GPHN: variants seen among roughly 807,000 people sequenced by gnomAD.
GPHN encodes the protein gephyrin.
Under a neutral mutation model 95.5 loss-of-function variants are expected in GPHN, and 17 were observed. The observed-to-expected ratio is 0.18, with a 90% CI of 0.12 to 0.27. The LOEUF (loss-of-function observed/expected upper bound fraction) is 0.27, where lower values mean the gene tolerates loss of function less well. Ranked by LOEUF, GPHN falls within the 10% of genes least tolerant of loss-of-function variation. GPHN has a pLI of 1.00. For missense variants in GPHN, 660 were observed against 978.1 expected (o/e 0.67, Z 4.34); for synonymous variants, 320 against 322.5 (o/e 0.99, Z 0.08).
At chr14:66,509,039 C>A (rs373963479) in intron 1 of GPHN, 47 of 233,230 alleles carry the variant, frequency 2.0e-4, no homozygotes, top group East Asian at 1.5e-3. Flanking sequence ...CCCTTCCCCC[C>A]ACCTGGGCGG....
chr14:66,646,538 A>G (rs2153359384), intron 1 of GPHN, among the ~76,000 whole-genome samples: 1 of 152,296 alleles, frequency 6.6e-6, no homozygotes, highest in Admixed American at 6.5e-5. Context: ...CAAAAGGTGG[A>G]AGGAATGAAT....
At chr14:67,129,063 C>T (rs977125541) in intron 17 of GPHN, among the ~76,000 whole-genome samples, 1 of 151,750 alleles carries the variant, frequency 6.6e-6, no homozygotes, top group Non-Finnish European at 1.5e-5. Flanking sequence ...TTCCACCTGC[C>T]TTGGCCTCCC....
intron 9 of GPHN, among the ~76,000 whole-genome samples, chr14:67,007,477 T>C (rs1222166622): frequency 6.6e-6 from 1 of 152,236 alleles, no homozygotes; most frequent in Non-Finnish European, 1.5e-5. Context: ...ATATCAAGTT[T>C]ATCTATAACT....
chr14:66,959,855 A>C (rs1386533853), intron 8 of GPHN, among the ~76,000 whole-genome samples: 1 of 151,942 alleles, frequency 6.6e-6, no homozygotes, highest in East Asian at 1.9e-4. Context: ...GACCACCATT[A>C]ATCATATCTC....
intron 1 of GPHN, among the ~76,000 whole-genome samples, chr14:66,575,219 T>C (rs995698923): frequency 6.6e-6 from 1 of 152,040 alleles, no homozygotes; most frequent in Non-Finnish European, 1.5e-5. Context: ...GTTGACAGAT[T>C]TTTTTTCCCT....
the GPHN span, among the ~76,000 whole-genome samples, chr14:67,535,582 A>G: frequency 6.6e-6 from 1 of 151,892 alleles, no homozygotes; most frequent in Non-Finnish European, 1.5e-5. Context: ...GGGTTTCACC[A>G]TGTTGGCCAG....
At chr14:67,223,155 A>C in the GPHN span, among the ~76,000 whole-genome samples, 23,765 of 151,932 alleles carry the variant, frequency 0.16, 3,506 homozygotes, top group East Asian at 0.42. Context: ...ACCCGCCACC[A>C]TGCCTGGCTA....
At chr14:67,579,549 C>A in the GPHN span, 2 of 679,672 alleles carry the variant, frequency 2.9e-6, no homozygotes, top group Non-Finnish European at 2.5e-6. Context: ...AGTGGATAAG[C>A]TCACATCCCT....
At chr14:66,933,379 A>C (rs2066928610) in intron 8 of GPHN, among the ~76,000 whole-genome samples, 1 of 152,198 alleles carries the variant, frequency 6.6e-6, no homozygotes, top group Non-Finnish European at 1.5e-5. Flanking sequence ...TCTATGTGAG[A>C]ACAGTCATTT....
intron 1 of GPHN, among the ~76,000 whole-genome samples, chr14:66,604,934 C>T (rs932431790): frequency 3.5e-5 from 5 of 142,062 alleles, no homozygotes; most frequent in South Asian, 2.3e-4. Context: ...ATTTAGGTCA[C>T]GCTTACAAGT....
chr14:67,725,125 G>A, the GPHN span: 3 of 1,614,190 alleles, frequency 1.9e-6, no homozygotes, highest in Non-Finnish European at 2.5e-6. Flanking sequence ...TGCCTGCAGA[G>A]ATGTACTGAA....
intron 1 of GPHN, among the ~76,000 whole-genome samples, chr14:66,624,250 C>G (rs1464361188): frequency 4.6e-5 from 7 of 152,174 alleles, no homozygotes; most frequent in African/African-American, 1.2e-4. Context: ...CTGGCAGACT[C>G]AAATATCTTT....
the GPHN span, among the ~76,000 whole-genome samples, chr14:67,432,790 C>T: frequency 6.6e-6 from 1 of 151,856 alleles, no homozygotes; most frequent in Non-Finnish European, 1.5e-5. Context: ...TGCCGGCAAC[C>T]TGGGTGGTCC....
chr14:66,617,452 G>T (rs1378127139), intron 1 of GPHN, among the ~76,000 whole-genome samples: 1 of 152,178 alleles, frequency 6.6e-6, no homozygotes, highest in Non-Finnish European at 1.5e-5. Flanking sequence ...TTGGCTATGG[G>T]GAGGGTGTTC....
chr14:67,579,164 C>T, the GPHN span: 2 of 1,606,970 alleles, frequency 1.2e-6, no homozygotes, highest in Non-Finnish European at 1.7e-6. Context: ...CCACCTACTG[C>T]CAGCGGGCAG....
At chr14:66,548,444 G>A (rs1025235157) in intron 1 of GPHN, among the ~76,000 whole-genome samples, 1 of 152,000 alleles carries the variant, frequency 6.6e-6, no homozygotes, top group South Asian at 2.1e-4. Flanking sequence ...GCCTCCCAAA[G>A]TGCTGGGATT....
chr14:66,926,415 T>G (rs138462968), intron 8 of GPHN, among the ~76,000 whole-genome samples: 74 of 152,330 alleles, frequency 4.9e-4, no homozygotes, highest in African/African-American at 1.7e-3. Flanking sequence ...CCATTTTGAT[T>G]TGATTTTTTA....
chr14:67,457,372 T>C, the GPHN span, among the ~76,000 whole-genome samples: 4 of 152,216 alleles, frequency 2.6e-5, no homozygotes, highest in African/African-American at 4.8e-5. Context: ...AGTGGGAGGA[T>C]GGCTTGAGGC....
chr14:67,323,890 A>C, the GPHN span: 15 of 734,738 alleles, frequency 2.0e-5, no homozygotes. Flanking sequence ...CCTGGTGCTT[A>C]AAAGCTACAT....
Sources: gnomAD v4.1 joint callset for allele counts (sites outside exome capture counted in the v4.1 genomes callset) on GRCh38, gnomAD v4.1.1 for gene constraint, MANE v1.5 for transcripts, NCBI Gene and HGNC (gene_info 2026-07-23, HGNC 2026-07-21) for gene names.